The following PLOD2 variants were observed in gnomAD, a reference collection of about 807,000 sequenced individuals.
PLOD2 encodes the protein procollagen-lysine,2-oxoglutarate 5-dioxygenase 2.
Under a neutral mutation model 101.0 loss-of-function variants are expected in PLOD2, and 65 were observed. That is an observed-to-expected ratio of 0.64 (90% confidence interval 0.53 to 0.79). The LOEUF is 0.79. PLOD2 is among the 30% of genes least tolerant of loss of function. PLOD2 has a pLI of 0.00. For synonymous variants in PLOD2, 314 were observed against 302.9 expected, an observed-to-expected ratio of 1.04 and a Z score of -0.38; for missense variants, 909 against 914.6, an observed-to-expected ratio of 0.99 and a Z score of 0.08.
chr3:146,099,759 G>C (rs1479631392), intron 7 of PLOD2, among the ~76,000 whole-genome samples: 1 of 151,876 alleles, frequency 6.6e-6, no homozygotes, highest in Non-Finnish European at 1.5e-5. Context: ...GAAAAGTGGG[G>C]TTCTACCAGC....
At chr3:146,106,744 T>C (rs1350921182) in intron 4 of PLOD2, 100 bp from the exon 5 acceptor site, 9 of 759,882 alleles carry the variant, frequency 1.2e-5, no homozygotes, top group Non-Finnish European at 1.9e-5. Flanking sequence ...TGTGAAGTCA[T>C]GAAGCCTAAT....
intron 15 of PLOD2, 79 bp downstream of exon 15, chr3:146,076,703 C>T (rs1936352945): frequency 1.3e-6 from 1 of 760,278 alleles, no homozygotes; most frequent in Non-Finnish European, 2.3e-6. Flanking sequence ...CCTCTAACCA[C>T]ATTTCATATT....
intron 10 of PLOD2, chr3:146,086,176 G>C (rs1349501387): frequency 6.6e-6 from 1 of 152,266 alleles, no homozygotes; most frequent in South Asian, 2.1e-4. Context: ...GTTCGTAGTA[G>C]ATAAGATTAT....
intron 1 of PLOD2, among the ~76,000 whole-genome samples, chr3:146,159,825 A>T (rs1191236337): frequency 6.6e-6 from 1 of 152,228 alleles, no homozygotes; most frequent in Non-Finnish European, 1.5e-5. Flanking sequence ...GTAGAAAGAT[A>T]GGCAGTTCAG....
intron 1 of PLOD2, among the ~76,000 whole-genome samples, chr3:146,141,834 CTAAGAA>C (rs1007364741): frequency 6.6e-6 from 1 of 151,852 alleles, no homozygotes; most frequent in Admixed American, 6.6e-5. Flanking sequence ...TGCAGTAAAA[CTAAGAA>C]TAAGTTCAAC....
intron 1 of PLOD2, among the ~76,000 whole-genome samples, chr3:146,142,381 C>T (rs2031564812): frequency 6.6e-6 from 1 of 152,008 alleles, no homozygotes; most frequent in Non-Finnish European, 1.5e-5. Context: ...TATGAATCTA[C>T]CCCTCCTGGT....
intron 1 of PLOD2, among the ~76,000 whole-genome samples, chr3:146,129,227 T>C (rs1033060141): frequency 5.3e-5 from 8 of 152,146 alleles, no homozygotes; most frequent in African/African-American, 1.9e-4. Context: ...AAACTTCTTC[T>C]GCAAAAGGTC....
At chr3:146,071,456 A>T (rs1325193334) in intron 17 of PLOD2, 33 bp from the exon 18 acceptor site, 10 of 1,600,252 alleles carry the variant, frequency 6.2e-6, no homozygotes, top group Admixed American at 1.7e-5. Context: ...AATAAGCTGT[A>T]CTCCACGTGC....
At chr3:146,120,793 C>T (rs544670771) in intron 3 of PLOD2, among the ~76,000 whole-genome samples, 202 of 152,196 alleles carry the variant, frequency 1.3e-3, no homozygotes, top group South Asian at 9.7e-3. Context: ...GGCGCAATCT[C>T]GGCTCACTGC....
intron 7 of PLOD2, among the ~76,000 whole-genome samples, chr3:146,098,835 C>CA (rs1393290754): frequency 2.6e-5 from 4 of 151,932 alleles, no homozygotes; most frequent in Admixed American, 2.6e-4. Context: ...AACTAACTTA[C>CA]AAAAAATCAT....
chr3:146,118,578 C>T (rs1238998688), intron 3 of PLOD2, among the ~76,000 whole-genome samples: 2 of 151,668 alleles, frequency 1.3e-5, no homozygotes, highest in African/African-American at 2.4e-5. Context: ...TTCATGGGGA[C>T]TTAAAATGAG....
chr3:146,113,314 A>G (rs1285164899), intron 3 of PLOD2, among the ~76,000 whole-genome samples: 5 of 152,200 alleles, frequency 3.3e-5, no homozygotes, highest in African/African-American at 1.2e-4. Context: ...AATACTTTAG[A>G]AAAGTTATTT....
At chr3:146,098,652 T>C (rs1014958430) in intron 7 of PLOD2, among the ~76,000 whole-genome samples, 2 of 152,114 alleles carry the variant, frequency 1.3e-5, no homozygotes, top group African/African-American at 2.4e-5. Flanking sequence ...TTGGAGAAAG[T>C]AGGAAATAAG....
chr3:146,080,105 TACTAG>T (rs2108007921), intron 12 of PLOD2, among the ~76,000 whole-genome samples: 1 of 152,108 alleles, frequency 6.6e-6, no homozygotes, highest in South Asian at 2.1e-4. Flanking sequence ...TATTATGTCT[TACTAG>T]ACTAGCCTCA....
At chr3:146,098,524 T>TA (rs1559847616) in intron 7 of PLOD2, among the ~76,000 whole-genome samples, 2 of 152,268 alleles carry the variant, frequency 1.3e-5, no homozygotes, top group East Asian at 3.9e-4. Flanking sequence ...TTCATAGATA[T>TA]ATACTGAGGA....
At chr3:146,097,481 G>A (rs1163787956) in intron 7 of PLOD2, among the ~76,000 whole-genome samples, 3 of 111,332 alleles carry the variant, frequency 2.7e-5, no homozygotes, top group African/African-American at 7.2e-5. Flanking sequence ...TTGGGATCCT[G>A]TTGATCTGTG....
intron 5 of PLOD2, among the ~76,000 whole-genome samples, chr3:146,104,819 A>G (rs1455169466): frequency 2.6e-5 from 4 of 152,208 alleles, no homozygotes; most frequent in Admixed American, 6.5e-5. Context: ...TCAGGAGCAT[A>G]TATCTGCTTA....
chr3:146,085,973 A>T (rs1936752775), intron 10 of PLOD2: 1 of 152,234 alleles, frequency 6.6e-6, no homozygotes, highest in South Asian at 2.1e-4. Flanking sequence ...CACTAGGTAC[A>T]ATCATGAAAA....
chr3:146,161,059 G>T lies in PLOD2; in HGVS notation c.-70C>A. ...GCAGCGCCGCGCTTCTCGCGAGAAC[G>T]CAGAGACCCGGGTCCGCCCTGAGCC... On this transcript the variant is annotated 5_prime_UTR_variant, in exon 1 of 20. Coordinates refer to ENST00000282903, the MANE Select transcript of PLOD2 (RefSeq NM_182943.3). The T allele has an allele frequency of 1.7e-6, 2 of 1,147,728 alleles. No individual in the cohort carries two copies. Among genetic ancestry groups the T allele is most frequent in the South Asian group, 1.3e-5 (1 of 75,538 alleles). 71.1% of individuals were successfully genotyped at this position (1,147,728 alleles called of 1,614,324 possible).
Sources: gnomAD v4.1 joint callset for allele counts (sites outside exome capture counted in the v4.1 genomes callset) on GRCh38, gnomAD v4.1.1 for gene constraint, MANE v1.5 for transcripts, NCBI Gene and HGNC (gene_info 2026-07-23, HGNC 2026-07-21) for gene names.